Variants in COBLL1 observed in about 807,000 individuals in gnomAD.
COBLL1 encodes cordon-bleu WH2 repeat protein like 1.
Under a neutral mutation model 94.8 loss-of-function variants are expected in COBLL1, and 50 were observed. That is an observed-to-expected ratio of 0.53 (90% confidence interval 0.42 to 0.67). COBLL1 has a LOEUF of 0.67. Among genes scored for constraint, COBLL1 ranks in the 30% least tolerant of loss-of-function variants. The pLI is 0.00. For synonymous variants in COBLL1, 448 were observed against 473.8 expected (o/e 0.95, Z 0.71); for missense variants, 1,362 against 1,348.7 (o/e 1.01, Z -0.15).
At chr2:164,721,023 T>G (rs1197452531) in intron 7 of COBLL1, among the ~76,000 whole-genome samples, 1 of 152,210 alleles carries the variant, frequency 6.6e-6, no homozygotes, top group Non-Finnish European at 1.5e-5. Context: ...AGTACTGAGG[T>G]TAAGCATTTT....
chr2:164,762,814 A>G (rs1399842905), intron 2 of COBLL1, among the ~76,000 whole-genome samples: 1 of 150,210 alleles, frequency 6.7e-6, no homozygotes, highest in African/African-American at 2.5e-5. Context: ...CTCCTGCCTC[A>G]GCCTCCCGAG....
At chr2:164,742,837 A>C (rs1306754211) in intron 3 of COBLL1, among the ~76,000 whole-genome samples, 1 of 151,944 alleles carries the variant, frequency 6.6e-6, no homozygotes, top group African/African-American at 2.4e-5. Flanking sequence ...TTCCTTATAC[A>C]CAACACACAC....
chr2:164,832,943 T>C (rs964337063), intron 2 of COBLL1, among the ~76,000 whole-genome samples: 6 of 151,916 alleles, frequency 3.9e-5, no homozygotes, highest in Non-Finnish European at 8.8e-5. Context: ...CTCGAGAGGT[T>C]GAGGTAGGAG....
At chr2:164,705,163 G>C (rs1684519601) in intron 7 of COBLL1, 58 bp from the exon 8 acceptor site, 2 of 1,365,804 alleles carry the variant, frequency 1.5e-6, no homozygotes, top group Admixed American at 2.7e-5. Context: ...GCAAACTTTA[G>C]GAAGACACTG....
At chr2:164,803,538 C>T (rs1683927038) in intron 2 of COBLL1, among the ~76,000 whole-genome samples, 2 of 149,614 alleles carry the variant, frequency 1.3e-5, no homozygotes, top group Admixed American at 1.3e-4. Context: ...GCACTCCAGC[C>T]TGGGTGACAG....
intron 2 of COBLL1, among the ~76,000 whole-genome samples, chr2:164,745,586 C>A (rs139960345): frequency 7.9e-5 from 12 of 152,240 alleles, no homozygotes; most frequent in Non-Finnish European, 1.8e-4. Flanking sequence ...AAAGGATTGA[C>A]AGGCAGGCAA....
intron 13 of COBLL1, among the ~76,000 whole-genome samples, chr2:164,691,513 ACT>A (rs1439750502): frequency 1.3e-5 from 2 of 151,818 alleles, no homozygotes; most frequent in Admixed American, 6.6e-5. Flanking sequence ...TAGGGAGAGG[ACT>A]CTCTCTGGGG....
chr2:164,735,888 A>G (rs534010396), intron 3 of COBLL1, among the ~76,000 whole-genome samples: 6 of 152,324 alleles, frequency 3.9e-5, no homozygotes, highest in Non-Finnish European at 8.8e-5. Context: ...GAGGCAAATC[A>G]TTAAAAGTGG....
chr2:164,702,929 T>C (rs554141505), intron 9 of COBLL1, among the ~76,000 whole-genome samples: 17 of 152,256 alleles, frequency 1.1e-4, no homozygotes, highest in Admixed American at 9.2e-4. Flanking sequence ...ATCTGTATGG[T>C]TGGGAAAAAC....
intron 12 of COBLL1, 67 bp downstream of exon 12, chr2:164,694,202 G>T: frequency 1.3e-5 from 19 of 1,436,624 alleles, no homozygotes; most frequent in Non-Finnish European, 1.8e-5. Flanking sequence ...ACATCAACAT[G>T]CTTGTTAACC....
At chr2:164,674,857 T>G (rs1691310150) in intron 1 of COBLL1, among the ~76,000 whole-genome samples, 1 of 152,258 alleles carries the variant, frequency 6.6e-6, no homozygotes, top group African/African-American at 2.4e-5. Flanking sequence ...ACACTGCTAT[T>G]CCACATGTTG....
intron 1 of COBLL1, among the ~76,000 whole-genome samples, chr2:164,672,247 G>A (rs1691253211): frequency 6.6e-6 from 1 of 152,098 alleles, no homozygotes; most frequent in Non-Finnish European, 1.5e-5. Flanking sequence ...TGACTTACTT[G>A]GCAATGACAA....
chr2:164,724,561 G>T (rs1004844307), intron 5 of COBLL1: 30 of 152,084 alleles, frequency 2.0e-4, no homozygotes, highest in African/African-American at 7.0e-4. Flanking sequence ...AACAATGAGT[G>T]GTGATCTGTA....
At chr2:164,716,949 C>T (rs1685200972) in intron 7 of COBLL1, among the ~76,000 whole-genome samples, 1 of 152,102 alleles carries the variant, frequency 6.6e-6, no homozygotes, top group South Asian at 2.1e-4. Flanking sequence ...TTGACTAAGG[C>T]AAACATAGTT....
intron 13 of COBLL1, chr2:164,687,305 C>A (rs910362454): frequency 9.5e-6 from 6 of 634,920 alleles, no homozygotes; most frequent in Non-Finnish European, 1.7e-5. Flanking sequence ...GGGCCCGGCA[C>A]TTGTCCACAG....
At chr2:164,801,761 C>T (rs1683819435) in intron 2 of COBLL1, among the ~76,000 whole-genome samples, 1 of 152,120 alleles carries the variant, frequency 6.6e-6, no homozygotes, top group African/African-American at 2.4e-5. Flanking sequence ...TGTGCTACCT[C>T]CATTTTAAAG....
chr2:164,836,571 A>C (rs953657168), intron 2 of COBLL1, among the ~76,000 whole-genome samples: 2 of 152,216 alleles, frequency 1.3e-5, no homozygotes, highest in African/African-American at 4.8e-5. Context: ...GTGTTAATTA[A>C]GCTCTCTGAT....
chr2:164,832,874 T>C (rs1683139389), intron 2 of COBLL1, among the ~76,000 whole-genome samples: 1 of 151,604 alleles, frequency 6.6e-6, no homozygotes, highest in African/African-American at 2.4e-5. Flanking sequence ...AGAAACCCCG[T>C]CTCTACTAAA....
intron 7 of COBLL1, among the ~76,000 whole-genome samples, chr2:164,707,425 G>A (rs1311964007): frequency 6.6e-6 from 1 of 152,142 alleles, no homozygotes; most frequent in Admixed American, 6.5e-5. Flanking sequence ...ACAGGCATGA[G>A]CTACCATACC....
Sources: gnomAD v4.1 joint callset for allele counts (sites outside exome capture counted in the v4.1 genomes callset) on GRCh38, gnomAD v4.1.1 for gene constraint, MANE v1.5 for transcripts, NCBI Gene and HGNC (gene_info 2026-07-23, HGNC 2026-07-21) for gene names.